The following NEB variants were observed in gnomAD, a reference collection of about 807,000 sequenced individuals.
NEB encodes the protein nebulin.
NEB carries 512 observed loss-of-function variants against 952.2 expected under a neutral mutation model. That is an observed-to-expected ratio of 0.54 (90% CI 0.50 to 0.58). NEB has a LOEUF of 0.58. Ranked by LOEUF, NEB falls within the 20% of genes least tolerant of loss-of-function variation. The pLI, the probability that NEB is intolerant of heterozygous loss-of-function variation, is 0.00. For missense variants in NEB, 8,428 were observed against 9,231.1 expected, an observed-to-expected ratio of 0.91 and a Z score of 3.56; for synonymous variants, 2,900 against 3,149.8, an observed-to-expected ratio of 0.92 and a Z score of 2.66.
intron 80 of NEB, 57 bp from the exon 81 acceptor site, chr2:151,610,177 T>C: frequency 7.1e-7 from 1 of 1,405,896 alleles, no homozygotes; most frequent in Non-Finnish European, 9.7e-7. Context: ...GCTCATGTGC[T>C]GACAATTACA....
At chr2:151,681,224 CCT>C (rs1477971823) in intron 29 of NEB, among the ~76,000 whole-genome samples, 1 of 152,128 alleles carries the variant, frequency 6.6e-6, no homozygotes, top group Non-Finnish European at 1.5e-5. Flanking sequence ...TCTCTTTTTC[CCT>C]GTTACTCCAT....
At chr2:151,713,488 G>A (rs951671354) in intron 10 of NEB, among the ~76,000 whole-genome samples, 10 of 152,144 alleles carry the variant, frequency 6.6e-5, no homozygotes, top group Admixed American at 5.9e-4. Flanking sequence ...GAGGGCCTGG[G>A]CCTGGTATCC....
intron 157 of NEB, among the ~76,000 whole-genome samples, chr2:151,515,501 C>T (rs1263741757): frequency 6.6e-6 from 1 of 152,066 alleles, no homozygotes; most frequent in Non-Finnish European, 1.5e-5. Context: ...GTGTATGCCA[C>T]CACACTGAGT....
At chr2:151,647,898 C>A (rs938306494) in intron 54 of NEB, among the ~76,000 whole-genome samples, 3 of 152,140 alleles carry the variant, frequency 2.0e-5, no homozygotes, top group African/African-American at 7.2e-5. Flanking sequence ...TGTAGACTAG[C>A]AGACCAGTGG....
intron 54 of NEB, among the ~76,000 whole-genome samples, chr2:151,646,949 T>C (rs2098967640): frequency 1.3e-5 from 2 of 151,046 alleles, no homozygotes; most frequent in Admixed American, 1.3e-4. Context: ...GACTTAGTAT[T>C]TATAGTTATG....
chr2:151,491,621 T>C, intron 179 of NEB, 62 bp downstream of exon 179: 1 of 1,329,066 alleles, frequency 7.5e-7, no homozygotes, highest in East Asian at 2.5e-5. Context: ...CAAATGAAAG[T>C]CATTGACTCT....
At position 151,706,775 on chromosome 2, in the gene NEB, C is replaced by T. The variant is rs144979692; in HGVS notation, c.1152+106G>A. 3.9e-4 allele frequency: 312 copies of T among 797,772 alleles called. 1 individual carries two copies. The highest frequency in any genetic ancestry group is 3.6e-3 in the East Asian group (134 of 37,440). The allele number at this position is 797,772 out of a possible 1,614,324, so 49.4% of individuals were successfully genotyped here. A position where few individuals can be genotyped will look rare whatever the true frequency, so the allele number is the denominator to read the frequency against. On this transcript the variant is annotated intron_variant, in intron 13 of 181. Coordinates refer to ENST00000397345, the MANE Select transcript of NEB (RefSeq NM_001164508.2). Reference sequence around the variant, plus strand: ...TTCCAATGAACCTACCACTCCATAACCTTAATGTATTTGCAAAGTTATATA... The same window carrying T: ...TTCCAATGAACCTACCACTCCATAATCTTAATGTATTTGCAAAGTTATATA...
Position 151,643,901 on chromosome 2 carries a change from T to C in NEB, c.7873A>G (p.Lys2625Glu), listed in dbSNP as rs2098920033. 6.2e-7 allele frequency: 1 copy of C among 1,613,840 alleles called. No individual in the cohort carries two copies. The highest frequency in any genetic ancestry group is 2.2e-5 in the East Asian group (1 of 44,886). ...CQTLVSDVDY[K>E]NYLHQWTCLP... is the part of the protein sequence containing the mutation. ...CATGTCCACTGGTGCAGGTAGTTCTTGTAGTCCACGTCGCTGACTAAGGTC... is the reference window on the plus strand; with the variant it reads ...CATGTCCACTGGTGCAGGTAGTTCTCGTAGTCCACGTCGCTGACTAAGGTC... Residue 2625 changes from lysine (K) to glutamate (E), a missense_variant, in exon 57 of 182, where the codon AAG (lysine) becomes GAG (glutamate). Around this residue, in one of 11 missense-constraint regions of NEB, gnomAD observed 1,772 missense variants for 1,960.3 expected, o/e 0.90. Transcript: ENST00000397345.
chr2:151,724,982 T>G lies in NEB; in HGVS notation c.403-21A>C, dbSNP rs1429502587. On this transcript the variant is annotated intron_variant, in intron 6 of 181. Coordinates refer to ENST00000397345, the MANE Select transcript of NEB (RefSeq NM_001164508.2). ...TTAACCTGCCCAAATAATGCACAGT[T>G]AGAGTTCATGACAGGCATGTACATG... is the stretch of plus-strand genomic sequence containing the variant. The G allele has an allele frequency of 1.9e-6, 3 of 1,581,736 alleles. No homozygotes were observed. The South Asian group carries it at 3.3e-5, about 18-fold the overall frequency.
At chr2:151,708,472 C>T (rs557658030) in intron 12 of NEB, among the ~76,000 whole-genome samples, 20 of 152,112 alleles carry the variant, frequency 1.3e-4, no homozygotes, top group African/African-American at 4.3e-4. Flanking sequence ...TGCTTCCCAA[C>T]GCATTGCCCT....
intron 144 of NEB, 46 bp from the exon 145 acceptor site, chr2:151,531,147 G>A (rs1191935574): frequency 8.1e-7 from 1 of 1,231,508 alleles, no homozygotes; most frequent in African/African-American, 1.5e-5. Context: ...GCTTCTCAAT[G>A]TATAATATCA....
intron 55 of NEB, 121 bp from the exon 56 acceptor site, chr2:151,644,696 A>G: frequency 1.3e-6 from 1 of 785,832 alleles, no homozygotes; most frequent in Non-Finnish European, 2.1e-6. Flanking sequence ...TAAAATACTC[A>G]AATGTAATTA....
At chr2:151,710,057 A>G (rs1478005030) in intron 11 of NEB, among the ~76,000 whole-genome samples, 2 of 152,202 alleles carry the variant, frequency 1.3e-5, no homozygotes, top group African/African-American at 2.4e-5. Context: ...AAAACAATAG[A>G]CTTATGTTTT....
chr2:151,574,949 A>C (rs2096779521), intron 107 of NEB, among the ~76,000 whole-genome samples: 1 of 152,030 alleles, frequency 6.6e-6, no homozygotes. Context: ...TATGTTGCCC[A>C]GACTAGTCTT....
At chr2:151,535,378 G>A (rs767082433) in intron 142 of NEB, among the ~76,000 whole-genome samples, 10 of 152,222 alleles carry the variant, frequency 6.6e-5, no homozygotes, top group Non-Finnish European at 1.3e-4. Flanking sequence ...AGGGAGTTCC[G>A]CTGACAGTCA....
At position 151,667,928 on chromosome 2, in the gene NEB, G is replaced by A; in HGVS notation, c.4612-17C>T. ...ATAATGAGCCTTCAAAAAAGTAGAG[G>A]TTATTTTATTATTTGACATCATTAA... On this transcript the variant is annotated splice_polypyrimidine_tract_variant and intron_variant, in intron 39 of 181. Coordinates refer to ENST00000397345, the MANE Select transcript of NEB (RefSeq NM_001164508.2). The A allele has an allele frequency of 6.3e-7, 1 of 1,580,266 alleles. No individual in the cohort carries two copies. The highest frequency in any genetic ancestry group is 1.1e-5 in the South Asian group (1 of 87,806).
Position 151,603,941 on chromosome 2 carries a change from A to G in NEB, c.13060-169T>C, listed in dbSNP as rs1396441372. On this transcript the variant is annotated intron_variant, in intron 85 of 181. Coordinates refer to ENST00000397345, the MANE Select transcript of NEB (RefSeq NM_001164508.2). The stretch of plus-strand genomic sequence containing the variant: ...ATTGGGTGTTATCTCTCTGGCACAC[A>G]TGGGAGAAGTTTAGAGTATCCTGCA... Among the ~76,000 whole-genome samples the G allele has an allele frequency of 3.4e-5, 5 of 147,370 alleles. No homozygotes were observed. The South Asian group carries it at 6.9e-4, about 20-fold the overall frequency.
Position 151,531,025 on chromosome 2 carries a change from T to C in NEB, c.21599A>G (p.His7200Arg), listed in dbSNP as rs748975894. ...GACTTCATCTTTAACCTTGCGGACA[T>C]GCAGCAACATGGGTGTGTCGTGGAT... is the stretch of plus-strand genomic sequence containing the variant. ...TTIHDTPMLLHVRKVKDEVSD... is the reference protein window; with the variant it reads ...TTIHDTPMLLRVRKVKDEVSD... The change falls in exon 145 of 182, where the codon CAT (histidine) becomes CGT (arginine). Residue 7200 changes from histidine to arginine, a missense_variant. Transcript: ENST00000397345. The C allele has an allele frequency of 6.2e-7, 1 of 1,613,516 alleles. No homozygotes were observed. The highest frequency in any genetic ancestry group is 1.7e-5 in the Admixed American group (1 of 60,006).
chr2:151,697,727 T>G, intron 13 of NEB, 79 bp from the exon 14 acceptor site: 1 of 906,310 alleles, frequency 1.1e-6, no homozygotes, highest in Non-Finnish European at 1.7e-6. Context: ...TTTCTAACAC[T>G]AAACAAAAGA....
Sources: allele counts gnomAD v4.1 joint callset (sites outside exome capture counted in the v4.1 genomes callset), GRCh38; gene constraint gnomAD v4.1.1; regional missense constraint gnomAD v4.1.1; transcripts MANE v1.5; gene names NCBI Gene and HGNC (gene_info 2026-07-23, HGNC 2026-07-21).